MOGAT3: variants seen among roughly 807,000 people sequenced by gnomAD.
MOGAT3 encodes 2-acylglycerol O-acyltransferase 3.
In MOGAT3, 39 loss-of-function variants were observed where a neutral mutation model predicts 34.4. The ratio of observed to expected loss-of-function variants is 1.13; its 90% CI spans 0.88 to 1.48. The LOEUF is 1.48. MOGAT3 is among the 40% of genes most tolerant of loss of function. MOGAT3 has a pLI of 0.00. For synonymous variants in MOGAT3, 209 were observed against 179.2 expected (o/e 1.17, Z -1.33); for missense variants, 439 against 438.9 (o/e 1.00, Z 0.00).
downstream of MOGAT3, among the ~76,000 whole-genome samples, chr7:101,194,498 CTTTTT>C (rs34849826): frequency 2.1e-5 from 2 of 95,520 alleles, no homozygotes; most frequent in African/African-American, 4.9e-5. Flanking sequence ...AGGACATAAG[CTTTTT>C]TTTTTTTTTT....
At position 101,200,230 on chromosome 7, in the gene MOGAT3, TC is replaced by T. The variant is rs1299775051; in HGVS notation, c.288+3del. The T allele has an allele frequency of 6.2e-7, 1 of 1,613,448 alleles. No individual in the cohort carries two copies. The highest frequency in any genetic ancestry group is 8.5e-7 in the Non-Finnish European group (1 of 1,179,618). ...AGCAGTTTTTCTGCAGGGTGACCCA[TC>T]ACCTTGACAGGATAATAATCCCTTA... On this transcript the variant is annotated splice_donor_region_variant and intron_variant, in intron 3 of 6. Transcript: ENST00000223114.
Position 101,196,021 on chromosome 7 carries a change from C to G in MOGAT3, c.951G>C (p.Thr317=), listed in dbSNP as rs755711569. 31 of 1,613,900 alleles carry G rather than the reference C, an allele frequency of 1.9e-5. No individual in the cohort carries two copies. Among genetic ancestry groups the G allele is most frequent in the Middle Eastern group, 3.3e-4 (2 of 6,084 alleles). Residue 317 remains threonine (T), a synonymous_variant, in exon 7 of 7, where the codon ACG becomes ACC. Coordinates refer to ENST00000223114, the MANE Select transcript of MOGAT3 (RefSeq NM_178176.4). ...EVNHYHALYM[T]ALEQLFEEHK... ...GCTCCTCGAAGAGCTGCTCCAGGGC[C>G]GTCATGTAGAGGGCGTGATAGTGAT...
Position 101,198,334 on chromosome 7 carries a change from G to T in MOGAT3, c.525C>A (p.Asp175Glu), listed in dbSNP as rs778923207. 3.2e-6 allele frequency: 5 copies of T among 1,571,628 alleles called. No homozygotes were observed. Among genetic ancestry groups the T allele is most frequent in the Non-Finnish European group, 4.3e-6 (5 of 1,156,372 alleles). The part of the protein sequence containing the change: ...GLCPVSRQSL[D>E]FILSQPQLGQ... ...CGAGCTGGGGCTGGGACAGGATGAA[G>T]TCCAGGCTCTGGCGGCTCACCGGAC... The change falls in exon 5 of 7, where the codon GAC (aspartate) becomes GAA (glutamate). Residue 175 changes from aspartate to glutamate, a missense_variant. Coordinates refer to ENST00000223114, the MANE Select transcript of MOGAT3 (RefSeq NM_178176.4).
At position 101,198,654 on chromosome 7, in the gene MOGAT3, C is replaced by G. The variant is rs199780573; in HGVS notation, c.465G>C (p.Pro155=). The change falls in exon 4 of 7, where the codon CCG becomes CCC. Residue 155 remains proline (P), a synonymous_variant. Coordinates refer to ENST00000223114, the MANE Select transcript of MOGAT3 (RefSeq NM_178176.4). ...AGGACATGATGTAGTCGCGATAGAC[C>G]GGGAGGTAGAAGAGGCCAGCCAGCA... is the stretch of plus-strand genomic sequence containing the variant. The part of the protein sequence containing the change: ...LAVLAGLFYL[P]VYRDYIMSFG... 3.3e-5 allele frequency: 53 copies of G among 1,613,274 alleles called. No individual in the cohort carries two copies. Among genetic ancestry groups the G allele is most frequent in the Non-Finnish European group, 4.0e-5 (47 of 1,180,026 alleles).
chr7:101,198,468 C>T (rs1797860441), intron 4 of MOGAT3, 103 bp from the exon 5 acceptor site: 3 of 1,368,128 alleles, frequency 2.2e-6, no homozygotes, highest in Admixed American at 2.5e-5. Context: ...ATCTCCAAGG[C>T]GGGGAACCTA....
downstream of MOGAT3, among the ~76,000 whole-genome samples, chr7:101,194,587 C>A (rs974286604): frequency 2.0e-5 from 3 of 150,484 alleles, no homozygotes; most frequent in Non-Finnish European, 2.9e-5. Flanking sequence ...ACTGCAAGCT[C>A]CGCCTCACGG....
chr7:101,199,514 C>T (rs748559177), intron 3 of MOGAT3, among the ~76,000 whole-genome samples: 12 of 151,732 alleles, frequency 7.9e-5, no homozygotes, highest in African/African-American at 1.2e-4. Flanking sequence ...TGGGGTTTCT[C>T]CATGTTGGTC....
At chr7:101,199,638 A>C (rs1797897353) in intron 3 of MOGAT3, among the ~76,000 whole-genome samples, 2 of 126,298 alleles carry the variant, frequency 1.6e-5, no homozygotes, top group African/African-American at 3.1e-5. Flanking sequence ...TTTTTTAGAG[A>C]CGGTCTCACT....
At position 101,200,728 on chromosome 7, in the gene MOGAT3, C is replaced by T. The variant is rs368413360; in HGVS notation, c.109+18G>A. 2.9e-5 allele frequency: 46 copies of T among 1,605,596 alleles called. No individual in the cohort carries two copies. The highest frequency in any genetic ancestry group is 3.3e-5 in the Non-Finnish European group (39 of 1,173,430). On this transcript the variant is annotated intron_variant, in intron 1 of 6. Coordinates refer to ENST00000223114, the MANE Select transcript of MOGAT3 (RefSeq NM_178176.4). ...TCCCCTGGCAGACCCCAGGCACCCA[C>T]GCCTCCCCAGCTCTCACCCATGAAG...
At chr7:101,196,866 C>G (rs1226841155) in intron 5 of MOGAT3, among the ~76,000 whole-genome samples, 1 of 151,792 alleles carries the variant, frequency 6.6e-6, no homozygotes, top group Non-Finnish European at 1.5e-5. Context: ...GAGACTTTGT[C>G]TCAAAAAATA....
rs1231878245 is a variant in MOGAT3, at chr7:101,196,208, C to G, written c.850G>C (p.Ala284Pro). The G allele has an allele frequency of 6.3e-7, 1 of 1,579,764 alleles. No individual in the cohort carries two copies. ...SATSWGLLPFAVPITTVVGRP... is the reference protein window; with the variant it reads ...SATSWGLLPFPVPITTVVGRP... ...TCACCCACAGTGGTGATGGGCACAGCAAAGGGCAGCAGGCCCCAGGAGGTG... is the reference window on the plus strand; with the variant it reads ...TCACCCACAGTGGTGATGGGCACAGGAAAGGGCAGCAGGCCCCAGGAGGTG... The change falls in exon 6 of 7, where the codon GCT becomes CCT. Residue 284 changes from alanine (A) to proline (P), a missense_variant. Coordinates refer to ENST00000223114, the MANE Select transcript of MOGAT3 (RefSeq NM_178176.4).
At chr7:101,198,891 G>A in intron 3 of MOGAT3, 61 bp from the exon 4 acceptor site, 1 of 1,472,028 alleles carries the variant, frequency 6.8e-7, no homozygotes, top group Non-Finnish European at 9.5e-7. Flanking sequence ...TGAAAAGAGG[G>A]GCCCTCCACC....
chr7:101,194,924 C>T (rs1797743426), downstream of MOGAT3: 1 of 152,406 alleles, frequency 6.6e-6, no homozygotes, highest in Non-Finnish European at 1.5e-5. Flanking sequence ...CTAACTTCAC[C>T]TCCATCTAAA....
In MOGAT3 at chr7:101,197,817, G is replaced by A. The variant is rs1033806875; in HGVS notation, c.668+374C>T. Among the ~76,000 whole-genome samples, 6 of 152,090 alleles carry A rather than the reference G, an allele frequency of 3.9e-5. No homozygotes were observed. In the East Asian group the frequency reaches 1.2e-3, roughly 30 times the overall value. On this transcript the variant is annotated intron_variant, in intron 5 of 6. Transcript: ENST00000223114. ...CGGGAGGCGGAGGTTGCAGTGAGCC[G>A]AGACCACGCCTTTGCACTCCAGCCT...
At position 101,198,245 on chromosome 7, in the gene MOGAT3, T is replaced by C. The variant is rs1396956978; in HGVS notation, c.614A>G (p.His205Arg). 3 of 1,613,634 alleles carry C rather than the reference T, an allele frequency of 1.9e-6. No homozygotes were observed. The highest frequency in any genetic ancestry group is 1.1e-5 in the South Asian group (1 of 91,048). Residue 205 changes from histidine to arginine, a missense_variant, in exon 5 of 7, where the codon CAC (histidine) becomes CGC (arginine). Transcript: ENST00000223114. ...HEALYSVPGE[H>R]CLTLQKRKGF... ...TTTGCGCTTCTGGAGCGTAAGGCAGTGCTCCCCGGGGACTGAATACAGGGC... is the reference window on the plus strand; with the variant it reads ...TTTGCGCTTCTGGAGCGTAAGGCAGCGCTCCCCGGGGACTGAATACAGGGC...
In MOGAT3 at chr7:101,196,271, AGAAGCCCAT is replaced by A. The variant is rs1274085261; in HGVS notation, c.778_786del (p.Met260_Phe262del). ...CCGCGACCCCAGAAGATGCAAGGAG[AGAAGCCCAT>A]GAGCTTCTTGAAGGTGAGCTGGCAC... On this transcript the variant is annotated inframe_deletion, in exon 6 of 7. Coordinates refer to ENST00000223114, the MANE Select transcript of MOGAT3 (RefSeq NM_178176.4). 3 of 1,612,314 alleles carry A rather than the reference AGAAGCCCAT, an allele frequency of 1.9e-6. 1 individual carries two copies. The Admixed American group carries it at 5.0e-5, about 27-fold the overall frequency.
At position 101,198,414 on chromosome 7, in the gene MOGAT3, C is replaced by T. The variant is rs111809654; in HGVS notation, c.494-49G>A. Reference sequence around the variant, plus strand: ...GTAGTTCCCATCTGCCTCCACGGCACCCCCGCCCCTCACCCAGCCTTTAGT... The same window carrying T: ...GTAGTTCCCATCTGCCTCCACGGCATCCCCGCCCCTCACCCAGCCTTTAGT... On this transcript the variant is annotated intron_variant, in intron 4 of 6. Transcript: ENST00000223114. The T allele has an allele frequency of 1.2e-3, 1,823 of 1,497,950 alleles. 30 individuals are homozygous for T. In the African/African-American group the frequency reaches 0.024, roughly 19 times the overall value. 92.8% of individuals were successfully genotyped at this position (1,497,950 alleles called of 1,614,324 possible).
downstream of MOGAT3, among the ~76,000 whole-genome samples, chr7:101,194,760 C>T (rs1584234716): frequency 6.6e-6 from 1 of 152,248 alleles, no homozygotes; most frequent in African/African-American, 2.4e-5. Flanking sequence ...CTCAGCCTCC[C>T]AAAGTGCTGG....
chr7:101,200,900 A>G lies in MOGAT3; in HGVS notation c.-46T>C, dbSNP rs1797939860. ...AGCAGGATCCCAGAACCCGGAGGAC[A>G]AACGATGAAGGCTTGGATGTGGACC... On this transcript the variant is annotated 5_prime_UTR_variant, in exon 1 of 7. Transcript: ENST00000223114. 1.3e-6 allele frequency: 2 copies of G among 1,508,624 alleles called. No individual in the cohort carries two copies. The highest frequency in any genetic ancestry group is 4.6e-5 in the East Asian group (2 of 43,882). The allele number at this position is 1,508,624 out of a possible 1,614,324, so 93.5% of individuals were successfully genotyped here. A position where few individuals can be genotyped will look rare whatever the true frequency, so the allele number is the denominator to read the frequency against.
Sources: allele counts gnomAD v4.1 joint callset (sites outside exome capture counted in the v4.1 genomes callset), GRCh38; gene constraint gnomAD v4.1.1; transcripts MANE v1.5; gene names NCBI Gene and HGNC (gene_info 2026-07-23, HGNC 2026-07-21).